Variants in GLIS3 observed in about 807,000 individuals in gnomAD.
GLIS3 encodes zinc finger protein GLIS3.
A neutral mutation model predicts 78.6 loss-of-function variants in GLIS3; 53 were observed. The ratio of observed to expected loss-of-function variants is 0.67; its 90% CI spans 0.54 to 0.85. The LOEUF (loss-of-function observed/expected upper bound fraction) is 0.85, where lower values mean the gene tolerates loss of function less well. Ranked by LOEUF, GLIS3 falls within the 40% of genes least tolerant of loss-of-function variation. The pLI is 0.00. For missense variants in GLIS3, 1,703 were observed against 1,231.1 expected, an observed-to-expected ratio of 1.38 and a Z score of -5.74; for synonymous variants, 684 against 509.9, an observed-to-expected ratio of 1.34 and a Z score of -4.60.
intron 9 of GLIS3, among the ~76,000 whole-genome samples, chr9:3,835,752 GTTACTT>G (rs1415021470): frequency 6.6e-6 from 1 of 152,170 alleles, no homozygotes; most frequent in South Asian, 2.1e-4. Context: ...CCCTATAACT[GTTACTT>G]TTACTTTTTT....
the GLIS3 span, among the ~76,000 whole-genome samples, chr9:4,382,330 G>C: frequency 5.3e-5 from 8 of 152,178 alleles, no homozygotes; most frequent in African/African-American, 9.7e-5. Flanking sequence ...TGGAGAGTTA[G>C]AGCATTATTG....
chr9:3,987,846 T>A, intron 4 of GLIS3, among the ~76,000 whole-genome samples: 1 of 96,566 alleles, frequency 1.0e-5, no homozygotes, highest in Non-Finnish European at 2.1e-5. Context: ...CCAGATAAAC[T>A]CAGGAAAATA....
the GLIS3 span, among the ~76,000 whole-genome samples, chr9:4,390,540 A>G: frequency 1.3e-5 from 2 of 152,160 alleles, no homozygotes; most frequent in Non-Finnish European, 2.9e-5. Context: ...GGTACTTGAT[A>G]AACTTCATAA....
At chr9:4,133,851 CA>C (rs1276976275) in intron 2 of GLIS3, among the ~76,000 whole-genome samples, 17 of 148,960 alleles carry the variant, frequency 1.1e-4, no homozygotes, top group African/African-American at 3.5e-4. Context: ...CACACACACA[CA>C]CACACACACA....
intron 4 of GLIS3, among the ~76,000 whole-genome samples, chr9:4,099,674 G>T (rs140216713): frequency 1.4e-4 from 22 of 152,052 alleles, no homozygotes; most frequent in Non-Finnish European, 2.1e-4. Context: ...TCCAAAATGC[G>T]GTTTGACTCT....
intron 4 of GLIS3, among the ~76,000 whole-genome samples, chr9:4,053,635 T>TAAA (rs569983327): frequency 1.0e-5 from 1 of 96,368 alleles, no homozygotes; most frequent in African/African-American, 4.2e-5. Flanking sequence ...TGCTCAAGGC[T>TAAA]AAAAAAAAAA....
At chr9:4,196,545 G>A (rs530894842) in intron 2 of GLIS3, among the ~76,000 whole-genome samples, 12 of 152,174 alleles carry the variant, frequency 7.9e-5, no homozygotes, top group East Asian at 7.7e-4. Flanking sequence ...GCAAGACCAC[G>A]AACCCACTGA....
intron 2 of GLIS3, among the ~76,000 whole-genome samples, chr9:4,217,850 C>T (rs1174010792): frequency 6.6e-6 from 1 of 152,168 alleles, no homozygotes; most frequent in African/African-American, 2.4e-5. Flanking sequence ...TCTGCAGCAG[C>T]ATGAAATAGT....
chr9:4,060,675 C>G (rs914210317), intron 4 of GLIS3, among the ~76,000 whole-genome samples: 4 of 152,180 alleles, frequency 2.6e-5, no homozygotes, highest in African/African-American at 9.7e-5. Context: ...AAGTCCCCAC[C>G]AACAAGAAGG....
intron 8 of GLIS3, among the ~76,000 whole-genome samples, chr9:3,876,023 A>G (rs1487926732): frequency 6.6e-6 from 1 of 152,216 alleles, no homozygotes; most frequent in African/African-American, 2.4e-5. Context: ...GTTTCATGCC[A>G]TGTAACTTAC....
chr9:4,370,203 AC>A, the GLIS3 span, among the ~76,000 whole-genome samples: 854 of 143,752 alleles, frequency 5.9e-3, 12 homozygotes, highest in African/African-American at 0.02. Context: ...AAAAAAAAAA[AC>A]AACCAAAAAA....
chr9:4,205,129 T>C (rs1819751533), intron 2 of GLIS3, among the ~76,000 whole-genome samples: 1 of 140,832 alleles, frequency 7.1e-6, no homozygotes, highest in Admixed American at 7.8e-5. Flanking sequence ...TGAGCTGAGA[T>C]CACCCCACTG....
intron 4 of GLIS3, among the ~76,000 whole-genome samples, chr9:4,057,638 A>C (rs1022644450): frequency 6.6e-6 from 1 of 152,126 alleles, no homozygotes; most frequent in Non-Finnish European, 1.5e-5. Flanking sequence ...CAAATGAAAA[A>C]AAATTGAAGA....
At chr9:4,273,633 A>AAATAAATAAATG (rs1051463994) in intron 2 of GLIS3, among the ~76,000 whole-genome samples, 1 of 139,106 alleles carries the variant, frequency 7.2e-6, no homozygotes, top group Non-Finnish European at 1.6e-5. Flanking sequence ...ATAAATAAAT[A>AAATAAATAAATG]AATGTATTTT....
At chr9:4,047,146 GT>G (rs1825317469) in intron 4 of GLIS3, among the ~76,000 whole-genome samples, 1 of 152,182 alleles carries the variant, frequency 6.6e-6, no homozygotes. Context: ...CTGTTCTTGT[GT>G]TAGTGAGTGA....
intron 2 of GLIS3, among the ~76,000 whole-genome samples, chr9:4,281,187 G>C (rs1024783032): frequency 3.3e-5 from 5 of 152,174 alleles, no homozygotes; most frequent in African/African-American, 1.2e-4. Context: ...GTGCACTCTA[G>C]TGTTTCTCAA....
chr9:4,146,128 A>G (rs1564115557), intron 2 of GLIS3, among the ~76,000 whole-genome samples: 1 of 152,224 alleles, frequency 6.6e-6, no homozygotes, highest in Non-Finnish European at 1.5e-5. Context: ...TCAGTTCTTA[A>G]CATATTCATT....
the GLIS3 span, among the ~76,000 whole-genome samples, chr9:4,423,302 C>T: frequency 6.6e-6 from 1 of 152,154 alleles, no homozygotes; most frequent in Admixed American, 6.5e-5. Context: ...AACTAAACTC[C>T]ACCACACGGA....
intron 2 of GLIS3, among the ~76,000 whole-genome samples, chr9:4,269,265 T>C (rs1186314788): frequency 6.6e-6 from 1 of 152,158 alleles, no homozygotes; most frequent in Non-Finnish European, 1.5e-5. Context: ...ATATAAACCA[T>C]AGACATACCC....
Sources: gnomAD v4.1 joint callset for allele counts (sites outside exome capture counted in the v4.1 genomes callset) on GRCh38, gnomAD v4.1.1 for gene constraint, MANE v1.5 for transcripts, NCBI Gene and HGNC (gene_info 2026-07-23, HGNC 2026-07-21) for gene names.